TMEM209: variants seen among roughly 807,000 people sequenced by gnomAD.
TMEM209 encodes testicular tissue protein Li 202.
Under a neutral mutation model 76.2 loss-of-function variants are expected in TMEM209, and 65 were observed. That is an observed-to-expected ratio of 0.85 (90% CI 0.70 to 1.05). The LOEUF is 1.05. TMEM209 is among the 50% of genes least tolerant of loss of function. TMEM209 has a pLI of 0.00. For missense variants in TMEM209, 623 were observed against 685.5 expected (o/e 0.91, Z 1.02); for synonymous variants, 239 against 237.6 (o/e 1.01, Z -0.06).
At chr7:130,186,827 G>A (rs532800090) in intron 6 of TMEM209, among the ~76,000 whole-genome samples, 1 of 152,172 alleles carries the variant, frequency 6.6e-6, no homozygotes, top group African/African-American at 2.4e-5. Flanking sequence ...ATCTATAGCT[G>A]GAGAACCTCA....
At chr7:130,171,529 G>C (rs557880403) in intron 13 of TMEM209, among the ~76,000 whole-genome samples, 2 of 152,204 alleles carry the variant, frequency 1.3e-5, no homozygotes, top group East Asian at 1.9e-4. Flanking sequence ...ACAAAGATTG[G>C]CATGGATATT....
At chr7:130,196,148 C>T (rs1797964351) in intron 5 of TMEM209, among the ~76,000 whole-genome samples, 1 of 152,090 alleles carries the variant, frequency 6.6e-6, no homozygotes, top group African/African-American at 2.4e-5. Context: ...GGTCTCTTCA[C>T]TTTTGTGAGT....
intron 5 of TMEM209, among the ~76,000 whole-genome samples, chr7:130,196,921 T>C (rs564910399): frequency 1.3e-5 from 2 of 152,258 alleles, no homozygotes; most frequent in Admixed American, 6.5e-5. Context: ...TAAGATGGCA[T>C]AGTGGCTACA....
intron 6 of TMEM209, among the ~76,000 whole-genome samples, chr7:130,186,084 C>T (rs1336713412): frequency 8.6e-5 from 13 of 152,020 alleles, no homozygotes; most frequent in Admixed American, 5.2e-4. Context: ...TCTAGCATAG[C>T]GCCTGAATAA....
chr7:130,185,217 A>G lies in TMEM209; in HGVS notation c.926T>C (p.Leu309Pro). ...APCANKDEADLSSKQAAEEVW... is the reference protein window; with the variant it reads ...APCANKDEADPSSKQAAEEVW... ...CTCTTCTGCGGCTTGTTTAGAGCTG[A>G]GATCGGCTTCATCTTTGTTAGCACA... Residue 309 changes from leucine (L) to proline (P), a missense_variant, in exon 7 of 15, where the codon CTC (leucine) becomes CCC (proline). Physicochemically the swap from Leu to Pro is moderately conservative, Grantham distance 98. Transcript: ENST00000397622. The G allele has an allele frequency of 1.2e-6, 2 of 1,613,804 alleles. No individual in the cohort carries two copies. The highest frequency in any genetic ancestry group is 1.7e-6 in the Non-Finnish European group (2 of 1,179,772).
intron 7 of TMEM209, 61 bp downstream of exon 7, chr7:130,185,131 T>C: frequency 6.6e-7 from 1 of 1,521,004 alleles, no homozygotes; most frequent in Non-Finnish European, 8.9e-7. Flanking sequence ...GTTCCAGAAG[T>C]AGAAGACTTT....
In TMEM209 at chr7:130,175,690, G is replaced by A. The variant is rs1797212724; in HGVS notation, c.1247-81C>T. 24 of 1,064,302 alleles carry A rather than the reference G, an allele frequency of 2.3e-5. 1 individual carries two copies. Among genetic ancestry groups the A allele is most frequent in the South Asian group, 6.4e-5 (4 of 62,196 alleles). The allele number at this position is 1,064,302 out of a possible 1,614,324, so 65.9% of individuals were successfully genotyped here. A position where few individuals can be genotyped will look rare whatever the true frequency, so the allele number is the denominator to read the frequency against. ...AAAAAAAGCTAAGGGAATATAATAA[G>A]GGAAGCAAATCATTTAAAAAACTTG... On this transcript the variant is annotated intron_variant, in intron 10 of 14. Transcript: ENST00000397622.
intron 10 of TMEM209, among the ~76,000 whole-genome samples, chr7:130,176,563 A>G (rs1797243450): frequency 6.6e-6 from 1 of 152,226 alleles, no homozygotes; most frequent in Non-Finnish European, 1.5e-5. Context: ...AAAAAACTCA[A>G]ACATGAATTT....
At chr7:130,194,198 C>CAA (rs577499976) in intron 5 of TMEM209, among the ~76,000 whole-genome samples, 4 of 105,360 alleles carry the variant, frequency 3.8e-5, no homozygotes, top group Admixed American at 1.0e-4. Flanking sequence ...GACTCCGTCT[C>CAA]AAAAAAAAAA....
intron 2 of TMEM209, 48 bp downstream of exon 2, chr7:130,203,926 A>G (rs764736386): frequency 2.5e-6 from 4 of 1,605,050 alleles, no homozygotes; most frequent in South Asian, 1.1e-5. Context: ...CTGTGGAACC[A>G]GCCACTGGCT....
Position 130,203,797 on chromosome 7 carries a change from AG to A in TMEM209, c.189del (p.Trp64GlyfsTer42). The A allele has an allele frequency of 1.2e-6, 2 of 1,603,660 alleles. No homozygotes were observed. The highest frequency in any genetic ancestry group is 3.4e-5 in the Admixed American group (2 of 58,544). Reference protein sequence around the residue: ...SSYYNVTYWPLWYIELALASL... With the variant: ...SSYYNVTYWPXWYIELALASL... ...AAAATTACTTACTTACCAATATACC[AG>A]AGGGGCCAGTATGTCACATTGTAGT... On this transcript the variant is annotated frameshift_variant, in exon 3 of 15. Coordinates refer to ENST00000397622, the MANE Select transcript of TMEM209 (RefSeq NM_032842.4). LOFTEE classifies it high-confidence loss of function.
chr7:130,170,794 G>C (rs114261322), intron 13 of TMEM209, among the ~76,000 whole-genome samples: 3,244 of 152,040 alleles, frequency 0.021, 111 homozygotes, highest in African/African-American at 0.074. Context: ...GTCTGATTTA[G>C]ACTGGTTAGC....
intron 9 of TMEM209, among the ~76,000 whole-genome samples, chr7:130,180,557 G>A (rs942356586): frequency 7.2e-5 from 11 of 151,876 alleles, no homozygotes; most frequent in African/African-American, 2.7e-4. Context: ...TAGTACAGAC[G>A]GGGTTTTCAC....
intron 10 of TMEM209, among the ~76,000 whole-genome samples, chr7:130,176,718 T>A (rs928606124): frequency 6.6e-6 from 1 of 152,156 alleles, no homozygotes; most frequent in East Asian, 1.9e-4. Context: ...GGGAAGCATA[T>A]AGCTTAAAAT....
At chr7:130,171,526 T>G in intron 13 of TMEM209, among the ~76,000 whole-genome samples, 1 of 152,258 alleles carries the variant, frequency 6.6e-6, no homozygotes, top group East Asian at 1.9e-4. Context: ...AAAACAAAGA[T>G]TGGCATGGAT....
At chr7:130,187,524 C>CT (rs1479050219) in intron 6 of TMEM209, among the ~76,000 whole-genome samples, 1 of 151,816 alleles carries the variant, frequency 6.6e-6, no homozygotes, top group East Asian at 1.9e-4. Flanking sequence ...TCTCCTACCC[C>CT]TAGTCCCTGG....
At chr7:130,198,463 T>C (rs1246033589) in intron 5 of TMEM209, among the ~76,000 whole-genome samples, 2 of 151,962 alleles carry the variant, frequency 1.3e-5, no homozygotes, top group African/African-American at 4.8e-5. Context: ...ATAAAAAAAT[T>C]AGCTGGGCAT....
chr7:130,181,750 C>T (rs762541801), intron 8 of TMEM209, 31 bp from the exon 9 acceptor site: 24 of 1,542,766 alleles, frequency 1.6e-5, no homozygotes, highest in Non-Finnish European at 2.0e-5. Context: ...ATTTTGGATA[C>T]ATAATTCCCA....
Position 130,180,970 on chromosome 7 carries a change from G to A in TMEM209, c.1120+653C>T, listed in dbSNP as rs192760549. 2.6e-4 allele frequency among the ~76,000 whole-genome samples: 40 copies of A among 152,246 alleles called. 1 individual carries two copies. In the East Asian group the frequency reaches 5.8e-3, roughly 22 times the overall value. Reference sequence around the variant, plus strand: ...ATTCCACCCCTAGGTATATACCCAGGAGAAATGAAAACATAGGTCCAATAT... The same window carrying A: ...ATTCCACCCCTAGGTATATACCCAGAAGAAATGAAAACATAGGTCCAATAT... On this transcript the variant is annotated intron_variant, in intron 9 of 14. Transcript: ENST00000397622.
Sources: allele counts gnomAD v4.1 joint callset (sites outside exome capture counted in the v4.1 genomes callset), GRCh38; gene constraint gnomAD v4.1.1; transcripts MANE v1.5; gene names NCBI Gene and HGNC (gene_info 2026-07-23, HGNC 2026-07-21).